The following HIP1 variants were observed in gnomAD, a reference collection of about 807,000 sequenced individuals.
The protein encoded by HIP1 is huntingtin-interacting protein 1.
A neutral mutation model predicts 147.6 loss-of-function variants in HIP1; 65 were observed. The ratio of observed to expected loss-of-function variants is 0.44; its 90% confidence interval spans 0.36 to 0.54. The LOEUF (loss-of-function observed/expected upper bound fraction) is 0.54. Among genes scored for constraint, HIP1 ranks in the 20% least tolerant of loss-of-function variants. The pLI is 0.00. For synonymous variants in HIP1, 479 were observed against 504.0 expected (o/e 0.95, Z 0.67); for missense variants, 1,061 against 1,299.6 (o/e 0.82, Z 2.82).
intron 5 of HIP1, among the ~76,000 whole-genome samples, chr7:75,583,321 G>A (rs1221912598): frequency 6.6e-5 from 10 of 152,070 alleles, no homozygotes; most frequent in Admixed American, 2.6e-4. Flanking sequence ...ACCTAGGGCC[G>A]GCTGCCGACT....
chr7:75,668,804 A>C (rs1471688886), intron 1 of HIP1, among the ~76,000 whole-genome samples: 1 of 152,222 alleles, frequency 6.6e-6, no homozygotes, highest in Non-Finnish European at 1.5e-5. Flanking sequence ...TAAAACTGAG[A>C]TATAACTCAG....
intron 1 of HIP1, among the ~76,000 whole-genome samples, chr7:75,684,519 C>T (rs946952364): frequency 3.9e-4 from 58 of 148,750 alleles, no homozygotes; most frequent in African/African-American, 1.2e-3. Flanking sequence ...CTTTTGTTTT[C>T]GTATATCCTA....
chr7:75,646,228 C>T (rs1300270615), intron 1 of HIP1, among the ~76,000 whole-genome samples: 6 of 152,074 alleles, frequency 3.9e-5, no homozygotes, highest in African/African-American at 1.4e-4. Context: ...TACAGGCACC[C>T]GCCACCACGC....
intron 1 of HIP1, among the ~76,000 whole-genome samples, chr7:75,608,151 A>C (rs1416601454): frequency 6.6e-6 from 1 of 152,074 alleles, no homozygotes; most frequent in Non-Finnish European, 1.5e-5. Flanking sequence ...CTAAAAACAC[A>C]CAAAAAATTA....
chr7:75,533,835 G>C lies in HIP1; in HGVS notation c.*4337C>G. The stretch of plus-strand genomic sequence containing the variant: ...GGAATTTGGCAGCAAACAGCTGGCT[G>C]GTTTGCTGCGCCGATGGCTGGCAGG... On this transcript the variant is annotated 3_prime_UTR_variant, in exon 31 of 31. Transcript: ENST00000336926. The C allele has an allele frequency of 8.5e-6, 2 of 235,410 alleles. No homozygotes were observed. Among genetic ancestry groups the C allele is most frequent in the Non-Finnish European group, 1.7e-5 (2 of 119,326 alleles). 14.6% of individuals were successfully genotyped at this position (235,410 alleles called of 1,614,324 possible).
At chr7:75,644,291 A>ATCTTG (rs1798736542) in intron 1 of HIP1, among the ~76,000 whole-genome samples, 1 of 151,920 alleles carries the variant, frequency 6.6e-6, no homozygotes, top group Non-Finnish European at 1.5e-5. Context: ...CTTCTGGATA[A>ATCTTG]TTTTGTTTTG....
chr7:75,719,964 T>C (rs1801449672), intron 1 of HIP1, among the ~76,000 whole-genome samples: 1 of 152,106 alleles, frequency 6.6e-6, no homozygotes, highest in African/African-American at 2.4e-5. Context: ...TTTCTAATCC[T>C]CGGCTTCCTC....
At chr7:75,689,649 C>T (rs1203608722) in intron 1 of HIP1, among the ~76,000 whole-genome samples, 2 of 152,152 alleles carry the variant, frequency 1.3e-5, no homozygotes, top group African/African-American at 4.8e-5. Flanking sequence ...CATTCAAGGA[C>T]ACGCTCCTTG....
At chr7:75,563,117 G>A (rs1554494904) in intron 10 of HIP1, 42 bp from the exon 11 acceptor site, 1 of 1,613,972 alleles carries the variant, frequency 6.2e-7, no homozygotes, top group African/African-American at 1.3e-5. Context: ...TTGCTTGCCA[G>A]GCCCCGCCGG....
rs189442246 is a variant in HIP1 at position 75,577,307 on chromosome 7, C to T, written c.605-3406G>A. The stretch of plus-strand genomic sequence containing the variant: ...TGATTGTGCCACAGTACTCCAGCCT[C>T]GGCGACAGAGTGAGATCCCATCTCC... On this transcript the variant is annotated intron_variant, in intron 7 of 30. Transcript: ENST00000336926. Among the ~76,000 whole-genome samples, 36 of 134,460 alleles carry T rather than the reference C, an allele frequency of 2.7e-4. No homozygotes were observed. The East Asian group carries it at 6.8e-3, about 25-fold the overall frequency. 88.2% of individuals were successfully genotyped at this position (134,460 alleles called of 152,430 possible).
chr7:75,722,002 C>T (rs1801515956), intron 1 of HIP1, among the ~76,000 whole-genome samples: 1 of 152,190 alleles, frequency 6.6e-6, no homozygotes, highest in Admixed American at 6.6e-5. Context: ...AACTGACAGG[C>T]TGCTGCTTCA....
At chr7:75,620,342 C>T (rs941413759) in intron 1 of HIP1, among the ~76,000 whole-genome samples, 21 of 145,900 alleles carry the variant, frequency 1.4e-4, no homozygotes, top group Non-Finnish European at 1.9e-4. Flanking sequence ...GCCAATATTG[C>T]GCCACTGTAC....
In HIP1 at chr7:75,649,878, G is replaced by A. The variant is rs151228926; in HGVS notation, c.121-50631C>T. ...TCAGCATAGGCGGAGACCTCTGAAC[G>A]CTTTGCCTCTGATATTAATAGACCT... is the stretch of plus-strand genomic sequence containing the variant. On this transcript the variant is annotated intron_variant, in intron 1 of 30. Coordinates refer to ENST00000336926, the MANE Select transcript of HIP1 (RefSeq NM_005338.7). 6.2e-3 allele frequency among the ~76,000 whole-genome samples: 950 copies of A among 152,206 alleles called. 12 individuals are homozygous for A. Among genetic ancestry groups the A allele is most frequent in the African/African-American group, 0.022 (928 of 41,526 alleles).
At chr7:75,695,630 G>A (rs782254888) in intron 1 of HIP1, among the ~76,000 whole-genome samples, 16 of 151,116 alleles carry the variant, frequency 1.1e-4, no homozygotes, top group Non-Finnish European at 2.2e-4. Context: ...GCTGGAGTGC[G>A]GTGGCACAAT....
intron 1 of HIP1, among the ~76,000 whole-genome samples, chr7:75,635,577 CAAAAAAAAA>C (rs144914669): frequency 1.4e-5 from 1 of 69,824 alleles, no homozygotes. Context: ...GACTCCATCT[CAAAAAAAAA>C]AAAAAAAAAA....
chr7:75,660,768 G>A (rs148082762), intron 1 of HIP1, among the ~76,000 whole-genome samples: 2 of 152,012 alleles, frequency 1.3e-5, no homozygotes, highest in Non-Finnish European at 2.9e-5. Context: ...TACAAAAAAA[G>A]AAAAAAGCAA....
In HIP1 at chr7:75,537,893, C is replaced by T. The variant is rs1348762895; in HGVS notation, c.*279G>A. The T allele has an allele frequency of 4.0e-6, 2 of 497,840 alleles. No homozygotes were observed. Among genetic ancestry groups the T allele is most frequent in the African/African-American group, 1.9e-5 (1 of 51,934 alleles). 30.8% of individuals were successfully genotyped at this position (497,840 alleles called of 1,614,324 possible). A position where few individuals can be genotyped will look rare whatever the true frequency, so the allele number is the denominator to read the frequency against. On this transcript the variant is annotated 3_prime_UTR_variant, in exon 31 of 31. Transcript: ENST00000336926. ...CTCTGTTGAGTGGCCCTGCCCCCCA[C>T]CACCCCTCTTCGTACCTAGGCTTGC...
chr7:75,738,405 C>T (rs1554523926), intron 1 of HIP1, among the ~76,000 whole-genome samples: 1 of 152,152 alleles, frequency 6.6e-6, no homozygotes, highest in African/African-American at 2.4e-5. Context: ...AGCCCGGCGC[C>T]CCCACTCTCC....
chr7:75,571,765 TACAGACAGGGA>T (rs1219620779), intron 8 of HIP1, among the ~76,000 whole-genome samples: 12 of 152,036 alleles, frequency 7.9e-5, no homozygotes, highest in Non-Finnish European at 1.5e-5. Context: ...GTATTTTTTG[TACAGACAGGGA>T]TTTCACTATG....
Sources: gnomAD v4.1 joint callset for allele counts (sites outside exome capture counted in the v4.1 genomes callset) on GRCh38, gnomAD v4.1.1 for gene constraint, MANE v1.5 for transcripts, NCBI Gene and HGNC (gene_info 2026-07-23, HGNC 2026-07-21) for gene names.